LTBP1: variants seen among roughly 807,000 people sequenced by gnomAD.
LTBP1 encodes latent-transforming growth factor beta-binding protein 1.
In LTBP1, 129 loss-of-function variants were observed where a neutral mutation model predicts 207.6. The ratio of observed to expected loss-of-function variants is 0.62; its 90% CI spans 0.54 to 0.72. The LOEUF (loss-of-function observed/expected upper bound fraction) is 0.72, where lower values mean the gene tolerates loss of function less well. LTBP1 is among the 30% of genes least tolerant of loss of function. LTBP1 has a pLI of 0.00. For synonymous variants in LTBP1, 963 were observed against 833.7 expected (o/e 1.16, Z -2.67); for missense variants, 2,281 against 2,217.2 (o/e 1.03, Z -0.58).
At chr2:33,376,912 T>C (rs1307350866) in intron 31 of LTBP1, among the ~76,000 whole-genome samples, 1 of 151,952 alleles carries the variant, frequency 6.6e-6, no homozygotes, top group Non-Finnish European at 1.5e-5. Flanking sequence ...GCAGGGACAG[T>C]ACGTACATAA....
chr2:33,021,338 C>T, intron 3 of LTBP1, 132 bp downstream of exon 3: 1 of 883,850 alleles, frequency 1.1e-6, no homozygotes, highest in South Asian at 2.0e-5. Flanking sequence ...TCTTTCCTTT[C>T]TTAAGGCTTT....
At chr2:33,310,759 T>C (rs1384840443) in intron 23 of LTBP1, among the ~76,000 whole-genome samples, 1 of 152,212 alleles carries the variant, frequency 6.6e-6, no homozygotes, top group Non-Finnish European at 1.5e-5. Flanking sequence ...TTAAATTCTC[T>C]AGGTTCTGTA....
intron 20 of LTBP1, among the ~76,000 whole-genome samples, chr2:33,293,499 G>A (rs1166979703): frequency 1.3e-5 from 2 of 152,106 alleles, no homozygotes; most frequent in African/African-American, 4.8e-5. Context: ...TTTTTAGAGA[G>A]TGTCTGTGAG....
intron 3 of LTBP1, among the ~76,000 whole-genome samples, chr2:33,085,909 G>A (rs2078727632): frequency 6.6e-6 from 1 of 152,198 alleles, no homozygotes; most frequent in Admixed American, 6.5e-5. Context: ...AAGAAGTCTG[G>A]TCTGGCAGGC....
At chr2:33,075,876 A>G (rs1364273848) in intron 3 of LTBP1, among the ~76,000 whole-genome samples, 2 of 151,558 alleles carry the variant, frequency 1.3e-5, no homozygotes, top group Non-Finnish European at 3.0e-5. Flanking sequence ...TTCCTAATCA[A>G]TATAAATGTG....
chr2:33,010,664 A>G (rs181732801), intron 2 of LTBP1, among the ~76,000 whole-genome samples: 1 of 152,004 alleles, frequency 6.6e-6, no homozygotes, highest in East Asian at 1.9e-4. Flanking sequence ...TGTATCAATT[A>G]AAAAAAGTTT....
At chr2:33,233,875 T>C (rs12151817) in intron 9 of LTBP1, among the ~76,000 whole-genome samples, 84,721 of 151,708 alleles carry the variant, frequency 0.56, 23,837 homozygotes, top group Non-Finnish European at 0.58. Flanking sequence ...TTTGTTTATG[T>C]TAACTTTTGT....
chr2:33,134,767 C>G lies in LTBP1; in HGVS notation c.1034-26C>G, dbSNP rs764752123. The G allele has an allele frequency of 6.2e-7, 1 of 1,613,770 alleles. No homozygotes were observed. Among genetic ancestry groups the G allele is most frequent in the Non-Finnish European group, 8.5e-7 (1 of 1,179,966 alleles). ...ATACTAAGCTGATGTGTTTGTTGTT[C>G]TTTTTCTCCCTGCCTCCGCTCCTAG... On this transcript the variant is annotated intron_variant, in intron 4 of 33. Transcript: ENST00000404816. This position sits in a 1 kb window ranked among gnomAD's most constrained non-coding sequence, Gnocchi z 4.4.
rs959654244 is a variant in LTBP1, at chr2:33,397,388, G to C, written c.4984+106G>C. The C allele has an allele frequency of 5.5e-6, 7 of 1,279,152 alleles. 1 individual carries two copies. In the South Asian group the frequency reaches 9.5e-5, roughly 17 times the overall value. 79.2% of individuals were successfully genotyped at this position (1,279,152 alleles called of 1,614,324 possible). A position where few individuals can be genotyped will look rare whatever the true frequency, so the allele number is the denominator to read the frequency against. On this transcript the variant is annotated intron_variant, in intron 33 of 33. Transcript: ENST00000404816. ...GATTTGCTGAGTTTCAGTTTGAGAA[G>C]ATGAGAAAAGTTCTGGAGATGTACA...
intron 19 of LTBP1, among the ~76,000 whole-genome samples, chr2:33,281,604 T>C (rs1175657158): frequency 6.6e-6 from 1 of 152,152 alleles, no homozygotes; most frequent in Non-Finnish European, 1.5e-5. Context: ...AGCTTTAGTC[T>C]CATCACCAAA....
chr2:33,223,641 A>G (rs1003133537), intron 9 of LTBP1, among the ~76,000 whole-genome samples: 3 of 152,208 alleles, frequency 2.0e-5, no homozygotes, highest in African/African-American at 7.2e-5. Flanking sequence ...GATTTGGATA[A>G]AAGTCTATAG....
At chr2:33,048,661 C>T (rs1035339304) in intron 3 of LTBP1, among the ~76,000 whole-genome samples, 1 of 152,248 alleles carries the variant, frequency 6.6e-6, no homozygotes, top group African/African-American at 2.4e-5. Flanking sequence ...AGAAGATCTG[C>T]AGCCTTGCTC....
intron 5 of LTBP1, among the ~76,000 whole-genome samples, chr2:33,174,168 G>A (rs1289721977): frequency 2.1e-5 from 3 of 146,288 alleles, no homozygotes; most frequent in African/African-American, 7.5e-5. Context: ...CAATCAGGCA[G>A]GAGAAGGAAA....
chr2:32,962,035 G>T (rs1679200713), intron 2 of LTBP1, among the ~76,000 whole-genome samples: 2 of 150,662 alleles, frequency 1.3e-5, no homozygotes, highest in Admixed American at 6.6e-5. Context: ...TGACCAGTTT[G>T]TACACTTTTT....
intron 2 of LTBP1, among the ~76,000 whole-genome samples, chr2:33,013,994 GA>G (rs1688011389): frequency 1.3e-5 from 2 of 152,156 alleles, no homozygotes; most frequent in Admixed American, 1.3e-4. Context: ...CGTAAGATTA[GA>G]AAGGCAAATA....
intron 5 of LTBP1, among the ~76,000 whole-genome samples, chr2:33,171,950 C>A (rs1464450622): frequency 6.6e-6 from 1 of 152,130 alleles, no homozygotes; most frequent in African/African-American, 2.4e-5. Flanking sequence ...TACAGACAAG[C>A]AAATGCTGAG....
At chr2:33,257,723 C>T (rs922586744) in intron 12 of LTBP1, among the ~76,000 whole-genome samples, 3 of 152,304 alleles carry the variant, frequency 2.0e-5, no homozygotes, top group Non-Finnish European at 4.4e-5. Flanking sequence ...TAACAATATT[C>T]CATGCTAATT....
At chr2:33,145,110 T>C (rs1010973098) in intron 5 of LTBP1, among the ~76,000 whole-genome samples, 9 of 152,210 alleles carry the variant, frequency 5.9e-5, no homozygotes, top group Admixed American at 1.3e-4. Context: ...GTCATTGATA[T>C]ACTTATTAAA....
intron 11 of LTBP1, among the ~76,000 whole-genome samples, chr2:33,253,104 A>C (rs1453985801): frequency 6.6e-6 from 1 of 152,160 alleles, no homozygotes; most frequent in Admixed American, 6.5e-5. Context: ...TTTTATCTTC[A>C]ATTTCCAGGA....
Sources: allele counts gnomAD v4.1 joint callset (sites outside exome capture counted in the v4.1 genomes callset), GRCh38; gene constraint gnomAD v4.1.1; non-coding constraint Gnocchi (gnomAD v3.1); transcripts MANE v1.5; gene names NCBI Gene and HGNC (gene_info 2026-07-23, HGNC 2026-07-21).